BDP1: variants seen among roughly 807,000 people sequenced by gnomAD.
BDP1 encodes BDP1 general transcription factor IIIB subunit, also known as transcription factor TFIIIB component B'' homolog.
BDP1 carries 169 observed loss-of-function variants against 266.6 expected under a neutral mutation model. That is an observed-to-expected ratio of 0.63 (90% CI 0.56 to 0.72). The LOEUF (loss-of-function observed/expected upper bound fraction) is 0.72. Ranked by LOEUF, BDP1 falls within the 30% of genes least tolerant of loss-of-function variation. BDP1 has a pLI of 0.00. For missense variants in BDP1, 3,015 were observed against 3,053.8 expected (o/e 0.99, Z 0.30); for synonymous variants, 1,090 against 1,022.4 (o/e 1.07, Z -1.26).
At chr5:71,535,892 G>A (rs1277083043) in intron 26 of BDP1, among the ~76,000 whole-genome samples, 1 of 152,048 alleles carries the variant, frequency 6.6e-6, no homozygotes. Context: ...AATCCAATAT[G>A]ACCTCATCTA....
At chr5:71,514,903 C>G in intron 19 of BDP1, 41 bp from the exon 20 acceptor site, 7 of 1,410,584 alleles carry the variant, frequency 5.0e-6, no homozygotes, top group Non-Finnish European at 6.8e-6. Flanking sequence ...TTTCCTTATA[C>G]TTTTAGCAAC....
intron 22 of BDP1, among the ~76,000 whole-genome samples, chr5:71,519,463 C>T (rs1765389144): frequency 6.6e-6 from 1 of 152,194 alleles, no homozygotes; most frequent in African/African-American, 2.4e-5. Context: ...TTACTCCCTT[C>T]CCTCTTGCCT....
chr5:71,504,840 T>A, intron 16 of BDP1, 89 bp downstream of exon 16: 2 of 1,255,144 alleles, frequency 1.6e-6, no homozygotes, highest in Non-Finnish European at 1.1e-6. Context: ...GCAATTTAGA[T>A]GGATTTGTTG....
rs1761130318 is a variant in BDP1 at position 71,455,814 on chromosome 5, A to C, written c.-64A>C. On this transcript the variant is annotated 5_prime_UTR_variant, in exon 1 of 39. Coordinates refer to ENST00000358731, the MANE Select transcript of BDP1 (RefSeq NM_018429.3). The stretch of plus-strand genomic sequence containing the variant: ...GTAGTTCCTAATCCCCTTTCCGGGC[A>C]GCCGCCGGGGCTCGGGGCTGTGAGC... 1 of 1,424,284 alleles carries C rather than the reference A, an allele frequency of 7.0e-7. No individual in the cohort carries two copies. 88.2% of individuals were successfully genotyped at this position (1,424,284 alleles called of 1,614,324 possible). A position where few individuals can be genotyped will look rare whatever the true frequency, so the allele number is the denominator to read the frequency against.
At position 71,513,344 on chromosome 5, in the gene BDP1, G is replaced by T. The variant is rs1174738765; in HGVS notation, c.4407G>T (p.Lys1469Asn). Residue 1469 changes from lysine to asparagine, a missense_variant, in exon 19 of 39, where the codon AAG becomes AAT. Around this residue, in one of 3 missense-constraint regions of BDP1, gnomAD observed 2,383 missense variants for 2,404.9 expected, o/e 0.99. Coordinates refer to ENST00000358731, the MANE Select transcript of BDP1 (RefSeq NM_018429.3). The part of the protein sequence containing the change: ...KYIYEKKSET[K>N]KMETIVMQEN... ...TATATGAGAAGAAATCAGAAACCAA[G>T]AAAATGGAGACTATTGTGATGCAAG... is the stretch of plus-strand genomic sequence containing the variant. 6.2e-7 allele frequency: 1 copy of T among 1,602,818 alleles called. No homozygotes were observed. Among genetic ancestry groups the T allele is most frequent in the Non-Finnish European group, 8.5e-7 (1 of 1,174,130 alleles).
intron 24 of BDP1, among the ~76,000 whole-genome samples, chr5:71,523,485 T>G (rs1765613653): frequency 6.6e-6 from 1 of 152,114 alleles, no homozygotes; most frequent in South Asian, 2.1e-4. Flanking sequence ...AGCTAATTTT[T>G]GTATTTTTAG....
At chr5:71,538,088 A>G (rs1448512008) in intron 26 of BDP1, among the ~76,000 whole-genome samples, 1 of 152,190 alleles carries the variant, frequency 6.6e-6, no homozygotes, top group Non-Finnish European at 1.5e-5. Context: ...TTCTGCATTT[A>G]TGGAGATGAT....
At chr5:71,573,638 C>A in the BDP1 span, among the ~76,000 whole-genome samples, 1 of 152,194 alleles carries the variant, frequency 6.6e-6, no homozygotes, top group East Asian at 1.9e-4. Context: ...TAGTGCATAT[C>A]TGACGTGGAA....
chr5:71,474,041 CGG>C (rs1762436335), intron 7 of BDP1, among the ~76,000 whole-genome samples: 1 of 151,768 alleles, frequency 6.6e-6, no homozygotes, highest in Admixed American at 6.6e-5. Context: ...AGTGCAGTGG[CGG>C]ATCTCGGCTC....
At chr5:71,491,272 CTGT>C in intron 11 of BDP1, 141 bp downstream of exon 11, 1 of 747,008 alleles carries the variant, frequency 1.3e-6, no homozygotes, top group Non-Finnish European at 2.1e-6. Flanking sequence ...TTTTGAAGCT[CTGT>C]TGTTAGGTGT....
chr5:71,540,834 A>C (rs1336350205), intron 28 of BDP1, among the ~76,000 whole-genome samples: 1 of 152,060 alleles, frequency 6.6e-6, no homozygotes, highest in Non-Finnish European at 1.5e-5. Context: ...GCTGCTTGGG[A>C]AGCTGAGGTG....
chr5:71,507,395 A>G (rs1178803714), intron 16 of BDP1, among the ~76,000 whole-genome samples: 1 of 152,226 alleles, frequency 6.6e-6, no homozygotes, highest in Non-Finnish European at 1.5e-5. Flanking sequence ...TTACTTAGAA[A>G]CAATCAATCT....
intron 24 of BDP1, 30 bp downstream of exon 24, chr5:71,522,979 A>C: frequency 6.5e-7 from 1 of 1,526,980 alleles, no homozygotes; most frequent in Non-Finnish European, 8.8e-7. Flanking sequence ...AATGTTTCAC[A>C]ATAAGAAATA....
At chr5:71,553,503 A>T (rs758316043) in intron 35 of BDP1, among the ~76,000 whole-genome samples, 183 bp downstream of exon 35, 1 of 152,192 alleles carries the variant, frequency 6.6e-6, no homozygotes. Context: ...CTTTTAACCA[A>T]TGGTAAATGA....
In BDP1 at chr5:71,532,390, A is replaced by T; in HGVS notation, c.5855A>T (p.Glu1952Val). 1 of 1,613,724 alleles carries T rather than the reference A, an allele frequency of 6.2e-7. No homozygotes were observed. Among genetic ancestry groups the T allele is most frequent in the Non-Finnish European group, 8.5e-7 (1 of 1,179,740 alleles). Reference sequence around the variant, plus strand: ...CTACCAAACACAGATGTGACTACTGAAGAAATGAAACAAGAAGAAAATTTG... The same window carrying T: ...CTACCAAACACAGATGTGACTACTGTAGAAATGAAACAAGAAGAAAATTTG... ...HELPNTDVTT[E>V]EMKQEENLSV... The change falls in exon 26 of 39, where the codon GAA becomes GTA. Residue 1952 changes from glutamate to valine, a missense_variant. Glu to Val is a moderately radical substitution (Grantham distance 121). Coordinates refer to ENST00000358731, the MANE Select transcript of BDP1 (RefSeq NM_018429.3).
intron 36 of BDP1, 136 bp downstream of exon 36, chr5:71,557,061 T>C (rs1262108734): frequency 2.1e-6 from 1 of 466,910 alleles, no homozygotes. Context: ...TCAGCACTTC[T>C]TTCCTGCAAA....
chr5:71,515,421 T>C (rs993666285), intron 20 of BDP1, among the ~76,000 whole-genome samples: 2 of 152,112 alleles, frequency 1.3e-5, no homozygotes, highest in East Asian at 3.9e-4. Context: ...ATTTAAAACT[T>C]TTTGAGAGCT....
Position 71,541,449 on chromosome 5 carries a change from T to TA in BDP1, c.6023-5_6023-4insA. ...TTTAATTTTGTTTTTTTTTTTTTTC[T>TA]TCAGTAGGAGTATGTATAATTCCTC... On this transcript the variant is annotated splice_polypyrimidine_tract_variant and splice_region_variant and intron_variant, in intron 28 of 38. Coordinates refer to ENST00000358731, the MANE Select transcript of BDP1 (RefSeq NM_018429.3). 1 of 1,092,730 alleles carries TA rather than the reference T, an allele frequency of 9.2e-7. No homozygotes were observed. Among genetic ancestry groups the TA allele is most frequent in the Non-Finnish European group, 1.3e-6 (1 of 787,432 alleles). The allele number at this position is 1,092,730 out of a possible 1,614,324, so 67.7% of individuals were successfully genotyped here.
In BDP1 at chr5:71,560,003, A is replaced by G. The variant is rs201590928; in HGVS notation, c.7262A>G (p.Asp2421Gly). The change falls in exon 37 of 39, where the codon GAT becomes GGT. Residue 2421 changes from aspartate to glycine, a missense_variant. By Grantham distance (94) the Asp-to-Gly change is moderately conservative (BLOSUM62 -1). Transcript: ENST00000358731. ...EETGESHKGQ[D>G]IFLTSGSTLT... ...GAAGGGGAGTCTCACAAGGGACAAG[A>G]TATTTTTCTTACCTCAGGAAGCACA... The G allele has an allele frequency of 1.4e-5, 23 of 1,613,698 alleles. No individual in the cohort carries two copies. The African/African-American group carries it at 2.3e-4, about 16-fold the overall frequency.
Sources: gnomAD v4.1 joint callset for allele counts (sites outside exome capture counted in the v4.1 genomes callset) on GRCh38, gnomAD v4.1.1 for gene constraint, gnomAD v4.1.1 regional missense constraint, MANE v1.5 for transcripts, NCBI Gene and HGNC (gene_info 2026-07-23, HGNC 2026-07-21) for gene names.